The following ROBO1 variants were observed in gnomAD, a reference collection of about 807,000 sequenced individuals.
ROBO1 encodes roundabout guidance receptor 1.
A neutral mutation model predicts 195.9 loss-of-function variants in ROBO1; 149 were observed. The ratio of observed to expected loss-of-function variants is 0.76; its 90% CI spans 0.67 to 0.87. The LOEUF is 0.87. ROBO1 is among the 40% of genes least tolerant of loss of function. The probability of loss-of-function intolerance (pLI) is 0.00; values close to 1 mark genes in which losing one functional copy is unlikely to be tolerated. For synonymous variants in ROBO1, 816 were observed against 733.2 expected (o/e 1.11, Z -1.82); for missense variants, 1,933 against 2,068.3 (o/e 0.93, Z 1.27).
intron 4 of ROBO1, among the ~76,000 whole-genome samples, chr3:78,836,512 C>CAAAAAAAAAAAAAAAAAAAAAA (rs370559968): frequency 2.5e-5 from 3 of 122,352 alleles, no homozygotes; most frequent in African/African-American, 6.6e-5. Flanking sequence ...ACTCTGTCTC[C>CAAAAAAAAAAAAAAAAAAAAAA]AAAAAAAAAA....
At chr3:79,293,486 G>T (rs943324492) in intron 2 of ROBO1, among the ~76,000 whole-genome samples, 21 of 151,960 alleles carry the variant, frequency 1.4e-4, no homozygotes, top group African/African-American at 5.1e-4. Context: ...GTCGATTTTA[G>T]ATCTTTCCCA....
At chr3:79,708,010 T>C (rs1702121914) in intron 1 of ROBO1, among the ~76,000 whole-genome samples, 1 of 151,766 alleles carries the variant, frequency 6.6e-6, no homozygotes, top group African/African-American at 2.4e-5. Context: ...ATACAAGGAG[T>C]GGTATTCTGT....
chr3:79,633,036 A>G (rs1306997409), intron 1 of ROBO1, among the ~76,000 whole-genome samples: 1 of 152,168 alleles, frequency 6.6e-6, no homozygotes, highest in Non-Finnish European at 1.5e-5. Flanking sequence ...AAATGCTATG[A>G]ATCAGAAGGG....
chr3:79,079,823 T>A (rs2079239220), intron 3 of ROBO1, among the ~76,000 whole-genome samples: 1 of 151,796 alleles, frequency 6.6e-6, no homozygotes, highest in Non-Finnish European at 1.5e-5. Context: ...AAACTCACAT[T>A]TATAGAAGCG....
At chr3:78,688,053 G>A (rs1049762184) in intron 9 of ROBO1, among the ~76,000 whole-genome samples, 4 of 152,162 alleles carry the variant, frequency 2.6e-5, no homozygotes, top group Non-Finnish European at 5.9e-5. Context: ...GTTCAAAAGA[G>A]TATAAATCTC....
chr3:79,191,160 G>T (rs991531135), intron 2 of ROBO1, among the ~76,000 whole-genome samples: 2 of 151,456 alleles, frequency 1.3e-5, no homozygotes, highest in Admixed American at 1.3e-4. Context: ...TATCTTTACT[G>T]AAGATTTATT....
At chr3:79,080,540 T>C (rs115277425) in intron 3 of ROBO1, among the ~76,000 whole-genome samples, 35 of 152,160 alleles carry the variant, frequency 2.3e-4, no homozygotes, top group African/African-American at 7.5e-4. Context: ...CCTTAAATTA[T>C]AGGGATATAA....
intron 2 of ROBO1, among the ~76,000 whole-genome samples, chr3:79,283,130 T>C (rs1042242577): frequency 2.0e-5 from 3 of 152,364 alleles, no homozygotes; most frequent in East Asian, 1.9e-4. Context: ...AATTAGCAAG[T>C]ACATTCCTCA....
intron 4 of ROBO1, among the ~76,000 whole-genome samples, chr3:78,853,683 G>A (rs770723892): frequency 1.3e-5 from 2 of 151,868 alleles, no homozygotes; most frequent in Non-Finnish European, 2.9e-5. Flanking sequence ...CCAGTTGAAC[G>A]CTGTATTAGT....
At chr3:79,741,045 C>T (rs1560148200) in intron 1 of ROBO1, among the ~76,000 whole-genome samples, 1 of 152,014 alleles carries the variant, frequency 6.6e-6, no homozygotes, top group Non-Finnish European at 1.5e-5. Context: ...TTGAGTTGGC[C>T]ATAAGACTTA....
At chr3:78,849,255 T>G (rs958317048) in intron 4 of ROBO1, among the ~76,000 whole-genome samples, 1 of 152,182 alleles carries the variant, frequency 6.6e-6, no homozygotes, top group Non-Finnish European at 1.5e-5. Flanking sequence ...TTAAGGGATC[T>G]TAACCAACTC....
chr3:78,901,088 G>C (rs536368849), intron 4 of ROBO1, among the ~76,000 whole-genome samples: 1 of 152,168 alleles, frequency 6.6e-6, no homozygotes, highest in African/African-American at 2.4e-5. Flanking sequence ...GCAATGTATG[G>C]CAATGTCTCA....
chr3:79,593,039 A>G (rs1481709765), intron 1 of ROBO1, among the ~76,000 whole-genome samples: 2 of 152,004 alleles, frequency 1.3e-5, no homozygotes, highest in South Asian at 2.1e-4. Flanking sequence ...TTAGTAATTC[A>G]TATAAATTTA....
At chr3:78,981,041 A>G (rs1196580460) in intron 3 of ROBO1, among the ~76,000 whole-genome samples, 1 of 152,188 alleles carries the variant, frequency 6.6e-6, no homozygotes. Flanking sequence ...TTTCAGCAAG[A>G]TATGAAATAG....
At chr3:79,443,179 T>C (rs2039118639) in intron 2 of ROBO1, among the ~76,000 whole-genome samples, 2 of 152,130 alleles carry the variant, frequency 1.3e-5, no homozygotes, top group South Asian at 4.1e-4. Flanking sequence ...TTTCTGTGAC[T>C]AGAGGAGAAA....
At chr3:79,357,895 C>T (rs541110998) in intron 2 of ROBO1, among the ~76,000 whole-genome samples, 10 of 152,140 alleles carry the variant, frequency 6.6e-5, no homozygotes, top group African/African-American at 1.7e-4. Flanking sequence ...ATTTCATTTG[C>T]GGATTAGTGG....
At chr3:78,707,194 A>T (rs547839452) in intron 8 of ROBO1, among the ~76,000 whole-genome samples, 1 of 152,272 alleles carries the variant, frequency 6.6e-6, no homozygotes, top group South Asian at 2.1e-4. Flanking sequence ...TTTCTGAAGC[A>T]TGTAGTTTAC....
At chr3:79,260,956 G>T (rs1177365049) in intron 2 of ROBO1, among the ~76,000 whole-genome samples, 1 of 151,942 alleles carries the variant, frequency 6.6e-6, no homozygotes, top group Non-Finnish European at 1.5e-5. Context: ...TTCTCTTACA[G>T]AAAACAAAAG....
At chr3:79,269,436 A>ACTTTTTG (rs1400144743) in intron 2 of ROBO1, among the ~76,000 whole-genome samples, 5 of 151,710 alleles carry the variant, frequency 3.3e-5, no homozygotes, top group Non-Finnish European at 5.9e-5. Context: ...GTCACACAAA[A>ACTTTTTG]TAACTAGTGT....
Sources: gnomAD v4.1 joint callset for allele counts (sites outside exome capture counted in the v4.1 genomes callset) on GRCh38, gnomAD v4.1.1 for gene constraint, MANE v1.5 for transcripts, NCBI Gene and HGNC (gene_info 2026-07-23, HGNC 2026-07-21) for gene names.